The following NTN5 variants were observed in gnomAD, a reference collection of about 807,000 sequenced individuals.
NTN5 encodes netrin-5.
In NTN5, 42 loss-of-function variants were observed where a neutral mutation model predicts 38.7. The observed-to-expected ratio is 1.08, with a 90% confidence interval of 0.85 to 1.40. NTN5 has a LOEUF of 1.40. Among genes scored for constraint, NTN5 ranks in the 40% most tolerant of loss-of-function variants. NTN5 has a pLI of 0.00. For synonymous variants in NTN5, 329 were observed against 303.9 expected (o/e 1.08, Z -0.86); for missense variants, 658 against 716.5 (o/e 0.92, Z 0.93).
intron 3 of NTN5, 34 bp downstream of exon 3, chr19:48,664,545 G>C (rs1197214124): frequency 7.8e-6 from 12 of 1,541,070 alleles, no homozygotes; most frequent in Non-Finnish European, 1.0e-5. Flanking sequence ...CCCTACCTCT[G>C]CTCCCCCCAG....
Position 48,661,960 on chromosome 19 carries a change from T to C in NTN5, c.1187A>G (p.Lys396Arg). The C allele has an allele frequency of 6.9e-7, 1 of 1,457,234 alleles. No individual in the cohort carries two copies. Among genetic ancestry groups the C allele is most frequent in the Non-Finnish European group, 9.0e-7 (1 of 1,112,336 alleles). 90.3% of individuals were successfully genotyped at this position (1,457,234 alleles called of 1,614,324 possible). Residue 396 changes from lysine to arginine, a missense_variant, in exon 7 of 7, where the codon AAG (lysine) becomes AGG (arginine). Lys to Arg is a conservative substitution (Grantham distance 26). Coordinates refer to ENST00000270235, the MANE Select transcript of NTN5 (RefSeq NM_145807.4). ...GCGTCGCACGGGCTGCGCCCGCTGC[T>C]TGTAAACGGCCAGCACGCGCACGGC... ...RLAVRVLAVY[K>R]QRAQPVRRGD...
rs765372816 is a variant in NTN5 at position 48,670,679 on chromosome 19, C to T, written c.308G>A (p.Arg103Lys). Residue 103 changes from arginine (R) to lysine (K), a missense_variant, in exon 2 of 7, where the codon AGG becomes AAG. By Grantham distance (26) the Arg-to-Lys change is conservative (BLOSUM62 2). Transcript: ENST00000270235. ...CCAGGCGGGCCTGTGCCACAGCAGC[C>T]TCCAGGGACCCCCTGAGGCCCAGGC... ...SAAWASGGPW[R>K]LLWHRPAWPG... 3 of 1,609,418 alleles carry T rather than the reference C, an allele frequency of 1.9e-6. No homozygotes were observed. Among genetic ancestry groups the T allele is most frequent in the South Asian group, 1.1e-5 (1 of 90,588 alleles).
chr19:48,668,152 T>C (rs1417168590), intron 2 of NTN5, among the ~76,000 whole-genome samples: 1 of 152,088 alleles, frequency 6.6e-6, no homozygotes, highest in African/African-American at 2.4e-5. Flanking sequence ...GGGGGGCCCC[T>C]GTCCAGCTGG....
At chr19:48,663,891 C>A in intron 4 of NTN5, 77 bp from the exon 5 acceptor site, 1 of 1,408,850 alleles carries the variant, frequency 7.1e-7, no homozygotes, top group East Asian at 2.3e-5. Context: ...GGAATCCAGG[C>A]ACCCAAACTC....
At chr19:48,669,597 C>T (rs1297991728) in intron 2 of NTN5, among the ~76,000 whole-genome samples, 1 of 5,300 alleles carries the variant, frequency 1.9e-4, no homozygotes, top group Non-Finnish European at 3.6e-4. Flanking sequence ...ACCACCATCA[C>T]CACCACCACC....
chr19:48,661,778 G>T lies in NTN5; in HGVS notation c.1369C>A (p.Pro457Thr). 1 of 1,422,392 alleles carries T rather than the reference G, an allele frequency of 7.0e-7. No individual in the cohort carries two copies. The allele number at this position is 1,422,392 out of a possible 1,614,324, so 88.1% of individuals were successfully genotyped here. ...DRHGLALPWRPRWARPLKRLQ... is the reference protein window; with the variant it reads ...DRHGLALPWRTRWARPLKRLQ... ...CGCTTCAGGGGCCGGGCCCAGCGCG[G>T]CCTCCATGGCAGCGCGAGGCCGTGG... Residue 457 changes from proline to threonine, a missense_variant, in exon 7 of 7, where the codon CCG becomes ACG. By Grantham distance (38) the Pro-to-Thr change is conservative. Transcript: ENST00000270235.
At position 48,670,513 on chromosome 19, in the gene NTN5, C is replaced by T; in HGVS notation, c.474G>A (p.Gln158=). The T allele has an allele frequency of 4.0e-6, 6 of 1,484,720 alleles. No individual in the cohort carries two copies. Among genetic ancestry groups the T allele is most frequent in the Non-Finnish European group, 5.4e-6 (6 of 1,115,526 alleles). The allele number at this position is 1,484,720 out of a possible 1,614,324, so 92.0% of individuals were successfully genotyped here. The change falls in exon 2 of 7, where the codon CAG becomes CAA. Residue 158 remains glutamine (Q), a synonymous_variant. Coordinates refer to ENST00000270235, the MANE Select transcript of NTN5 (RefSeq NM_145807.4). ...LAAAGLRGRC[Q]CHGHAARCAA... The stretch of plus-strand genomic sequence containing the variant: ...CACAGCGGGCAGCGTGGCCATGACA[C>T]TGGCAGCGGCCTCTCAGCCCAGCTG...
At chr19:48,669,050 CATCACCATCACCACCACCACCACT>C (rs1271476763) in intron 2 of NTN5, among the ~76,000 whole-genome samples, 6 of 145,350 alleles carry the variant, frequency 4.1e-5, no homozygotes, top group Admixed American at 3.4e-4. Context: ...TCACCACCAC[CATCACCATCACCACCACCACCACT>C]ATCACCATCA....
chr19:48,661,433 G>T lies in NTN5; in HGVS notation c.*244C>A, dbSNP rs1044332267. On this transcript the variant is annotated 3_prime_UTR_variant, in exon 7 of 7. Transcript: ENST00000270235. ...TCCCAAAGATTTGAGACTTTATTGG[G>T]GGAAACAGATCACTGGCGGGGAATA... The T allele has an allele frequency of 5.0e-6, 2 of 396,402 alleles. No individual in the cohort carries two copies. Among genetic ancestry groups the T allele is most frequent in the Non-Finnish European group, 8.8e-6 (2 of 225,998 alleles). The allele number at this position is 396,402 out of a possible 1,614,324, so 24.6% of individuals were successfully genotyped here.
At position 48,661,729 on chromosome 19, in the gene NTN5, C is replaced by T. The variant is rs552076829; in HGVS notation, c.1418G>A (p.Gly473Glu). 6.0e-5 allele frequency: 93 copies of T among 1,545,936 alleles called. No individual in the cohort carries two copies. The Admixed American group carries it at 9.4e-4, about 16-fold the overall frequency. Residue 473 changes from glycine (G) to glutamate (E), a missense_variant, in exon 7 of 7, where the codon GGA becomes GAA. Coordinates refer to ENST00000270235, the MANE Select transcript of NTN5 (RefSeq NM_145807.4). ...LKRLQQEERAGGCRGVRAPTP... is the reference protein window; with the variant it reads ...LKRLQQEERAEGCRGVRAPTP... ...GGGTGCCCGCACGCCGCGGCAGCCTCCGGCGCGCTCCTCCTGCTGCAGCCG... is the reference window on the plus strand; with the variant it reads ...GGGTGCCCGCACGCCGCGGCAGCCTTCGGCGCGCTCCTCCTGCTGCAGCCG...
chr19:48,663,775 C>T lies in NTN5; in HGVS notation c.1010G>A (p.Gly337Asp). 1 of 1,614,052 alleles carries T rather than the reference C, an allele frequency of 6.2e-7. No homozygotes were observed. Among genetic ancestry groups the T allele is most frequent in the Non-Finnish European group, 8.5e-7 (1 of 1,179,942 alleles). Residue 337 changes from glycine to aspartate, a missense_variant, in exon 5 of 7, where the codon GGT becomes GAT. By Grantham distance (94) the Gly-to-Asp change is moderately conservative (BLOSUM62 -1). Coordinates refer to ENST00000270235, the MANE Select transcript of NTN5 (RefSeq NM_145807.4). ...GACTGTCTTACCAGAGCTATAAGCACCAGGAGTAGTGGCAAGGGTGGTTGT... is the reference window on the plus strand; with the variant it reads ...GACTGTCTTACCAGAGCTATAAGCATCAGGAGTAGTGGCAAGGGTGGTTGT... ...EATTTLATTP[G>D]AYSSDPQCQN...
chr19:48,662,140 T>A, intron 6 of NTN5, 99 bp from the exon 7 acceptor site: 1 of 1,226,310 alleles, frequency 8.2e-7, no homozygotes, highest in Non-Finnish European at 1.0e-6. Flanking sequence ...CCGAGACCGG[T>A]GGGTGGGCTT....
chr19:48,669,688 CCACCACCATCATCACCAT>C (rs2031862409), intron 2 of NTN5, among the ~76,000 whole-genome samples: 5 of 111,272 alleles, frequency 4.5e-5, no homozygotes, highest in Non-Finnish European at 9.3e-5. Flanking sequence ...ACCACCATCA[CCACCACCATCATCACCAT>C]CACCACCATC....
rs1568452461 is a variant in NTN5, at chr19:48,669,721, C to CCACCATCACCATCAT, written c.631+634_631+635insATGATGGTGATGGTG. ...ATCATCACCATCACCACCATCACCA[C>CCACCATCACCATCAT]CACCACCACCATCACCATCACCACC... is the stretch of plus-strand genomic sequence containing the variant. On this transcript the variant is annotated intron_variant, in intron 2 of 6. Coordinates refer to ENST00000270235, the MANE Select transcript of NTN5 (RefSeq NM_145807.4). Among the ~76,000 whole-genome samples, 83 of 107,088 alleles carry CCACCATCACCATCAT rather than the reference C, an allele frequency of 7.8e-4. 4 individuals are homozygous for CCACCATCACCATCAT. In the Admixed American group the frequency reaches 8.0e-3, roughly 10 times the overall value. 70.3% of individuals were successfully genotyped at this position (107,088 alleles called of 152,430 possible).
At chr19:48,666,295 G>A (rs548321511) in intron 2 of NTN5, among the ~76,000 whole-genome samples, 9 of 152,308 alleles carry the variant, frequency 5.9e-5, no homozygotes, top group South Asian at 4.1e-4. Flanking sequence ...TCCTGGGAGC[G>A]TTTGTCAGGT....
intron 2 of NTN5, among the ~76,000 whole-genome samples, chr19:48,666,592 C>T (rs2031708982): frequency 6.6e-6 from 1 of 151,774 alleles, no homozygotes; most frequent in African/African-American, 2.4e-5. Context: ...AGGCTCCTCC[C>T]TAGGCTTTCT....
At position 48,664,271 on chromosome 19, in the gene NTN5, C is replaced by T; in HGVS notation, c.842G>A (p.Gly281Glu). The T allele has an allele frequency of 1.3e-5, 21 of 1,613,080 alleles. No individual in the cohort carries two copies. Among genetic ancestry groups the T allele is most frequent in the Non-Finnish European group, 1.8e-5 (21 of 1,179,614 alleles). The change falls in exon 4 of 7, where the codon GGG becomes GAG. Residue 281 changes from glycine to glutamate, a missense_variant. Coordinates refer to ENST00000270235, the MANE Select transcript of NTN5 (RefSeq NM_145807.4). ...ACRACQCHPIGATGGTCNQTS... is the reference protein window; with the variant it reads ...ACRACQCHPIEATGGTCNQTS... ...CTGGTTGCAGGTTCCTCCTGTTGCC[C>T]CAATAGGGTGGCACTGGCAGGCTAC...
intron 2 of NTN5, among the ~76,000 whole-genome samples, chr19:48,669,849 C>CCATCACCACCACCAT (rs1568452635): frequency 2.6e-5 from 3 of 117,204 alleles, no homozygotes; most frequent in African/African-American, 9.3e-5. Flanking sequence ...ACCACCACTA[C>CCATCACCACCACCAT]CATCACCACC....
At chr19:48,669,882 C>CCAT (rs1184596382) in intron 2 of NTN5, among the ~76,000 whole-genome samples, 3 of 114,798 alleles carry the variant, frequency 2.6e-5, no homozygotes, top group African/African-American at 9.9e-5. Context: ...ATCACCACTA[C>CCAT]CATCACCATC....
Sources: allele counts gnomAD v4.1 joint callset (sites outside exome capture counted in the v4.1 genomes callset), GRCh38; gene constraint gnomAD v4.1.1; transcripts MANE v1.5; gene names NCBI Gene and HGNC (gene_info 2026-07-23, HGNC 2026-07-21).